TTC29: variants seen among roughly 807,000 people sequenced by gnomAD.
TTC29 encodes tetratricopeptide repeat domain 29, also known as tetratricopeptide repeat protein 29.
In TTC29, 49 loss-of-function variants were observed where a neutral mutation model predicts 58.1. The observed-to-expected ratio is 0.84, with a 90% CI of 0.67 to 1.07. The LOEUF is 1.07. TTC29 is among the 50% of genes least tolerant of loss of function. TTC29 has a pLI of 0.00. For missense variants in TTC29, 582 were observed against 555.6 expected (o/e 1.05, Z -0.48); for synonymous variants, 209 against 196.8 (o/e 1.06, Z -0.52).
intron 11 of TTC29, among the ~76,000 whole-genome samples, chr4:146,798,915 A>T (rs998527188): frequency 5.5e-5 from 8 of 146,606 alleles, no homozygotes; most frequent in Non-Finnish European, 1.1e-4. Flanking sequence ...AAAAAAAAAG[A>T]CTACAAAATA....
intron 9 of TTC29, among the ~76,000 whole-genome samples, chr4:146,824,937 C>A (rs1375393158): frequency 2.6e-5 from 4 of 152,114 alleles, no homozygotes; most frequent in African/African-American, 9.7e-5. Flanking sequence ...TCTGTGGGGT[C>A]AGTGGTGATA....
At chr4:146,778,472 A>G (rs1748283398) in intron 11 of TTC29, among the ~76,000 whole-genome samples, 1 of 152,180 alleles carries the variant, frequency 6.6e-6, no homozygotes, top group African/African-American at 2.4e-5. Flanking sequence ...TCTGTATGAT[A>G]TCAATCCTAT....
intron 8 of TTC29, among the ~76,000 whole-genome samples, chr4:146,845,703 A>G (rs1000997221): frequency 6.6e-6 from 1 of 152,062 alleles, no homozygotes; most frequent in Admixed American, 6.5e-5. Context: ...CAGACCTTTC[A>G]CTAAGGAATG....
At chr4:146,741,473 C>T (rs1745141368) in intron 11 of TTC29, among the ~76,000 whole-genome samples, 1 of 151,196 alleles carries the variant, frequency 6.6e-6, no homozygotes, top group African/African-American at 2.4e-5. Flanking sequence ...TCCAAATTAT[C>T]TTAAAAAATT....
At chr4:146,842,008 C>T (rs912124943) in intron 8 of TTC29, among the ~76,000 whole-genome samples, 8 of 151,984 alleles carry the variant, frequency 5.3e-5, no homozygotes, top group Non-Finnish European at 8.8e-5. Context: ...GTTATTTTGC[C>T]CCTGCCAGAT....
intron 11 of TTC29, among the ~76,000 whole-genome samples, chr4:146,766,924 T>TA (rs959608221): frequency 8.6e-5 from 13 of 151,906 alleles, no homozygotes; most frequent in South Asian, 8.3e-4. Context: ...TTGTTTAAGA[T>TA]AAAAAAAAGA....
intron 4 of TTC29, among the ~76,000 whole-genome samples, chr4:146,926,567 A>G (rs974872768): frequency 6.6e-6 from 1 of 152,030 alleles, no homozygotes; most frequent in Non-Finnish European, 1.5e-5. Context: ...GGTTCAAGCA[A>G]TTCTCCTGCC....
intron 11 of TTC29, among the ~76,000 whole-genome samples, chr4:146,727,372 A>C (rs555705979): frequency 6.6e-6 from 1 of 152,138 alleles, no homozygotes; most frequent in Non-Finnish European, 1.5e-5. Context: ...AAAGTCCGTA[A>C]TTTACATTAG....
At chr4:146,802,201 A>G (rs1750280805) in intron 11 of TTC29, among the ~76,000 whole-genome samples, 1 of 152,124 alleles carries the variant, frequency 6.6e-6, no homozygotes, top group Non-Finnish European at 1.5e-5. Context: ...GTAATCTAAT[A>G]TAGGTCATGT....
At chr4:146,731,086 T>G (rs1384570274) in intron 11 of TTC29, among the ~76,000 whole-genome samples, 1 of 152,152 alleles carries the variant, frequency 6.6e-6, no homozygotes, top group Non-Finnish European at 1.5e-5. Flanking sequence ...TGACATATAG[T>G]ACACTGGTAG....
intron 11 of TTC29, among the ~76,000 whole-genome samples, chr4:146,741,728 A>G (rs1423865979): frequency 6.6e-6 from 1 of 152,128 alleles, no homozygotes; most frequent in Non-Finnish European, 1.5e-5. Context: ...TGCAATACCT[A>G]AAACACTCTA....
intron 4 of TTC29, among the ~76,000 whole-genome samples, chr4:146,910,442 A>G (rs1733822158): frequency 6.6e-6 from 1 of 152,142 alleles, no homozygotes; most frequent in South Asian, 2.1e-4. Context: ...CTAGACTTGC[A>G]TCTACCAAGG....
Position 146,707,578 on chromosome 4 carries a change from A to G in TTC29, c.1331-27T>C, listed in dbSNP as rs768149331. On this transcript the variant is annotated intron_variant, in intron 11 of 12. Coordinates refer to ENST00000325106, the MANE Select transcript of TTC29 (RefSeq NM_031956.4). Reference sequence around the variant, plus strand: ...TAAAAAAAAAATACACAAAGTTAATAGATTATCATGAACACAGTTTATAGT... The same window carrying G: ...TAAAAAAAAAATACACAAAGTTAATGGATTATCATGAACACAGTTTATAGT... 6.7e-6 allele frequency: 10 copies of G among 1,492,430 alleles called. No individual in the cohort carries two copies. In the East Asian group the frequency reaches 1.8e-4, roughly 27 times the overall value. 92.4% of individuals were successfully genotyped at this position (1,492,430 alleles called of 1,614,324 possible).
chr4:146,714,926 C>G (rs1329827640), intron 11 of TTC29, among the ~76,000 whole-genome samples: 1 of 152,118 alleles, frequency 6.6e-6, no homozygotes, highest in Admixed American at 6.6e-5. Context: ...ACCTTACAGG[C>G]TCAAGCAATC....
At chr4:146,805,570 C>A (rs1750546227) in intron 10 of TTC29, among the ~76,000 whole-genome samples, 1 of 151,784 alleles carries the variant, frequency 6.6e-6, no homozygotes, top group Non-Finnish European at 1.5e-5. Context: ...AAAAACACAG[C>A]ACAAGAACTT....
chr4:146,761,168 A>G (rs902580789), intron 11 of TTC29, among the ~76,000 whole-genome samples: 4 of 151,886 alleles, frequency 2.6e-5, no homozygotes, highest in African/African-American at 9.7e-5. Context: ...AAATCTCATA[A>G]GTCACCACTA....
At chr4:146,941,593 TG>T (rs1487871925) in intron 2 of TTC29, among the ~76,000 whole-genome samples, 1 of 152,114 alleles carries the variant, frequency 6.6e-6, no homozygotes, top group Non-Finnish European at 1.5e-5. Flanking sequence ...TGCTCACCAA[TG>T]GCAAAGGGAT....
intron 11 of TTC29, among the ~76,000 whole-genome samples, chr4:146,708,299 A>C (rs1742136673): frequency 7.6e-6 from 1 of 131,386 alleles, no homozygotes; most frequent in Non-Finnish European, 1.5e-5. Context: ...GAAGTCAAAT[A>C]TGGGAAGTTT....
chr4:146,938,013 T>A (rs937038343), intron 3 of TTC29, among the ~76,000 whole-genome samples: 5 of 152,086 alleles, frequency 3.3e-5, no homozygotes, highest in Non-Finnish European at 5.9e-5. Flanking sequence ...ACTGCTGAAG[T>A]TATATATTGT....
Sources: allele counts gnomAD v4.1 joint callset (sites outside exome capture counted in the v4.1 genomes callset), GRCh38; gene constraint gnomAD v4.1.1; transcripts MANE v1.5; gene names NCBI Gene and HGNC (gene_info 2026-07-23, HGNC 2026-07-21).